EPS8: variants seen among roughly 807,000 people sequenced by gnomAD.
The protein encoded by EPS8 is EGFR pathway substrate 8, signaling adaptor, also known as epidermal growth factor receptor kinase substrate 8.
EPS8 carries 42 observed loss-of-function variants against 103.8 expected under a neutral mutation model. That is an observed-to-expected ratio of 0.40 (90% CI 0.32 to 0.52). The LOEUF is 0.52. EPS8 is among the 20% of genes least tolerant of loss of function. The probability of loss-of-function intolerance (pLI) is 0.40; values close to 1 mark genes in which losing one functional copy is unlikely to be tolerated. For missense variants in EPS8, 969 were observed against 1,005.1 expected, an observed-to-expected ratio of 0.96 and a Z score of 0.49; for synonymous variants, 344 against 344.6, an observed-to-expected ratio of 1.00 and a Z score of 0.02.
chr12:15,641,706 GA>G lies in EPS8; in HGVS notation c.1677+15del. 7.3e-7 allele frequency: 1 copy of G among 1,376,062 alleles called. No homozygotes were observed. Among genetic ancestry groups the G allele is most frequent in the Non-Finnish European group, 1.0e-6 (1 of 1,002,308 alleles). 85.2% of individuals were successfully genotyped at this position (1,376,062 alleles called of 1,614,324 possible). On this transcript the variant is annotated intron_variant, in intron 16 of 20. Transcript: ENST00000281172. Reference sequence around the variant, plus strand: ...ACTACTTTATTAAGAGTATAAAAAAGAAAAAATTATATTACCTCTAAAATAT... The same window carrying G: ...ACTACTTTATTAAGAGTATAAAAAAGAAAAATTATATTACCTCTAAAATAT...
At chr12:15,710,685 C>T (rs900853127) in intron 1 of EPS8, among the ~76,000 whole-genome samples, 2 of 152,170 alleles carry the variant, frequency 1.3e-5, no homozygotes, top group South Asian at 4.1e-4. Flanking sequence ...TAAGTGCTTA[C>T]ATGTCAAATT....
intron 12 of EPS8, 162 bp downstream of exon 12, chr12:15,657,917 C>T (rs1945535915): frequency 3.3e-6 from 2 of 600,426 alleles, no homozygotes; most frequent in African/African-American, 3.8e-5. Context: ...TTACAGGGTT[C>T]TTTTAAATTC....
rs1276820166 is a variant in EPS8 at position 15,704,957 on chromosome 12, C to CACACACACAT, written c.-21-21995_-21-21986dup. 6.6e-6 allele frequency among the ~76,000 whole-genome samples: 1 copy of CACACACACAT among 152,070 alleles called. No individual in the cohort carries two copies. The highest frequency in any genetic ancestry group is 2.4e-5 in the African/African-American group (1 of 41,398). ...GTCCTTAAAATCCTGTGTGTATATA[C>CACACACACAT]ACACACACATACATATACATGTGTG... On this transcript the variant is annotated intron_variant, in intron 1 of 20. Coordinates refer to ENST00000281172, the MANE Select transcript of EPS8 (RefSeq NM_004447.6). This position sits in a 1 kb window ranked among gnomAD's most constrained non-coding sequence, Gnocchi z 4.6.
chr12:15,784,865 C>T lies in EPS8; in HGVS notation c.-22+4296G>A. On this transcript the variant is annotated intron_variant, in intron 1 of 20. Transcript: ENST00000281172. This position sits in a 1 kb window ranked among gnomAD's most constrained non-coding sequence, Gnocchi z 4.0. ...GTATTGCTAAATGAAAGAAGCCAGT[C>T]TGGCAAGGCTGTATGATTCCAATTA... 6.6e-6 allele frequency among the ~76,000 whole-genome samples: 1 copy of T among 152,054 alleles called. No homozygotes were observed. Among genetic ancestry groups the T allele is most frequent in the East Asian group, 1.9e-4 (1 of 5,190 alleles).
rs1360084801 is a variant in EPS8 at position 15,780,529 on chromosome 12, C to CACAG, written c.-22+8631_-22+8632insCTGT. 14 of 151,444 alleles carry CACAG rather than the reference C, an allele frequency of 9.2e-5. No homozygotes were observed. The South Asian group carries it at 2.9e-3, about 32-fold the overall frequency. 9.4% of individuals were successfully genotyped at this position (151,444 alleles called of 1,614,324 possible). A position where few individuals can be genotyped will look rare whatever the true frequency, so the allele number is the denominator to read the frequency against. ...ACACACACACACACACACACACACA[C>CACAG]AGGCATACACACTTTTCATTTAACA... On this transcript the variant is annotated intron_variant, in intron 1 of 20. Transcript: ENST00000281172. This position sits in a 1 kb window ranked among gnomAD's most constrained non-coding sequence, Gnocchi z 4.1.
Position 15,771,132 on chromosome 12 carries a change from G to T in EPS8, c.-22+18029C>A, listed in dbSNP as rs1947149974. Among the ~76,000 whole-genome samples, 3 of 152,160 alleles carry T rather than the reference G, an allele frequency of 2.0e-5. No homozygotes were observed. Among genetic ancestry groups the T allele is most frequent in the Admixed American group, 2.0e-4 (3 of 15,282 alleles). On this transcript the variant is annotated intron_variant, in intron 1 of 20. Transcript: ENST00000281172. The surrounding 1 kb of genome is among the most constrained non-coding windows in gnomAD (Gnocchi z 4.6). ...CAAAGAAGGTAGATTATTCTACAATGGCAGATAAAGTAGACCTTAACTGAT... is the reference window on the plus strand; with the variant it reads ...CAAAGAAGGTAGATTATTCTACAATTGCAGATAAAGTAGACCTTAACTGAT...
At chr12:15,755,416 A>G (rs963532443) in intron 1 of EPS8, among the ~76,000 whole-genome samples, 3 of 152,188 alleles carry the variant, frequency 2.0e-5, no homozygotes, top group Non-Finnish European at 2.9e-5. Flanking sequence ...TCCCACCAAG[A>G]TGAGCTTCTG....
intron 17 of EPS8, chr12:15,634,840 A>C (rs1945108617): frequency 2.5e-6 from 1 of 398,028 alleles, no homozygotes; most frequent in Non-Finnish European, 4.4e-6. Flanking sequence ...ATCAATTATA[A>C]TTCACATCAA....
Position 15,761,102 on chromosome 12 carries a change from T to C in EPS8, c.-22+28059A>G, listed in dbSNP as rs534700089. On this transcript the variant is annotated intron_variant, in intron 1 of 20. Transcript: ENST00000281172. The surrounding 1 kb of genome is among the most constrained non-coding windows in gnomAD (Gnocchi z 4.5). The stretch of plus-strand genomic sequence containing the variant: ...TGATAAATTCATTAAAGTTGCAGTA[T>C]ATATAATCAAATTACAAAAATCAGT... 6.6e-6 allele frequency among the ~76,000 whole-genome samples: 1 copy of C among 152,110 alleles called. No homozygotes were observed. The highest frequency in any genetic ancestry group is 2.1e-4 in the South Asian group (1 of 4,830).
Position 15,751,119 on chromosome 12 carries a change from AG to A in EPS8, c.-22+38041del, listed in dbSNP as rs1946927016. Among the ~76,000 whole-genome samples the A allele has an allele frequency of 6.6e-6, 1 of 152,128 alleles. No homozygotes were observed. Among genetic ancestry groups the A allele is most frequent in the Non-Finnish European group, 1.5e-5 (1 of 68,034 alleles). On this transcript the variant is annotated intron_variant, in intron 1 of 20. Coordinates refer to ENST00000281172, the MANE Select transcript of EPS8 (RefSeq NM_004447.6). This position sits in a 1 kb window ranked among gnomAD's most constrained non-coding sequence, Gnocchi z 4.3. Reference sequence around the variant, plus strand: ...TGCCTGTAAATCCCAGCTCTTTGGGAGGACGAGGCAGGCGGATCACTTGAGG... The same window carrying A: ...TGCCTGTAAATCCCAGCTCTTTGGGAGACGAGGCAGGCGGATCACTTGAGG...
intron 3 of EPS8, 51 bp downstream of exon 3, chr12:15,681,175 G>T: frequency 2.1e-6 from 2 of 936,706 alleles, no homozygotes; most frequent in Non-Finnish European, 3.3e-6. Flanking sequence ...AATGTAATTT[G>T]TAAAAAGTGG....
intron 17 of EPS8, among the ~76,000 whole-genome samples, chr12:15,639,336 A>C (rs1217985979): frequency 1.3e-5 from 2 of 152,152 alleles, no homozygotes; most frequent in Non-Finnish European, 2.9e-5. Context: ...CAGATATTAA[A>C]CTCAGAAAAG....
rs768085496 is a variant in EPS8 at position 15,681,222 on chromosome 12, C to A, written c.136+4G>T. The A allele has an allele frequency of 1.3e-6, 2 of 1,514,710 alleles. No homozygotes were observed. Among genetic ancestry groups the A allele is most frequent in the African/African-American group, 1.4e-5 (1 of 71,284 alleles). 93.8% of individuals were successfully genotyped at this position (1,514,710 alleles called of 1,614,324 possible). On this transcript the variant is annotated splice_donor_region_variant and intron_variant, in intron 3 of 20. Coordinates refer to ENST00000281172, the MANE Select transcript of EPS8 (RefSeq NM_004447.6). Reference sequence around the variant, plus strand: ...ATTATACCCTATCAAATAAACAAACCTACCATAAAGGGCCTTTGCACTTGT... The same window carrying A: ...ATTATACCCTATCAAATAAACAAACATACCATAAAGGGCCTTTGCACTTGT...
At position 15,690,842 on chromosome 12, in the gene EPS8, C is replaced by T. The variant is rs1409832641; in HGVS notation, c.-21-7870G>A. On this transcript the variant is annotated intron_variant, in intron 1 of 20. Transcript: ENST00000281172. This position sits in a 1 kb window ranked among gnomAD's most constrained non-coding sequence, Gnocchi z 4.7. Reference sequence around the variant, plus strand: ...TTTTGCCCACAAAGATAAAAATGCACTCTTTTCAAAATAGTATTTTTCATT... The same window carrying T: ...TTTTGCCCACAAAGATAAAAATGCATTCTTTTCAAAATAGTATTTTTCATT... Among the ~76,000 whole-genome samples, 1 of 152,098 alleles carries T rather than the reference C, an allele frequency of 6.6e-6. No individual in the cohort carries two copies. Among genetic ancestry groups the T allele is most frequent in the African/African-American group, 2.4e-5 (1 of 41,416 alleles).
intron 4 of EPS8, among the ~76,000 whole-genome samples, 156 bp from the exon 5 acceptor site, chr12:15,669,981 A>T (rs1945787301): frequency 6.6e-6 from 1 of 152,238 alleles, no homozygotes; most frequent in African/African-American, 2.4e-5. Flanking sequence ...TATTTTAATG[A>T]GAGAATAAAG....
chr12:15,654,040 A>G, intron 13 of EPS8, 105 bp downstream of exon 13: 1 of 1,118,026 alleles, frequency 8.9e-7, no homozygotes, highest in Non-Finnish European at 1.3e-6. Context: ...TTTTCATCCT[A>G]TGACGCTTAG....
At chr12:15,786,242 C>A (rs889939255) in intron 1 of EPS8, among the ~76,000 whole-genome samples, 1 of 151,996 alleles carries the variant, frequency 6.6e-6, no homozygotes, top group Non-Finnish European at 1.5e-5. Context: ...GAAAATGGCA[C>A]GTTACCTCTG....
intron 1 of EPS8, among the ~76,000 whole-genome samples, chr12:15,710,506 C>T (rs1281819060): frequency 1.3e-5 from 2 of 152,198 alleles, no homozygotes; most frequent in Non-Finnish European, 2.9e-5. Context: ...CAATATTTCA[C>T]AAATTGCTTT....
chr12:15,657,000 T>C (rs1411716777), intron 12 of EPS8, among the ~76,000 whole-genome samples: 1 of 152,138 alleles, frequency 6.6e-6, no homozygotes, highest in Non-Finnish European at 1.5e-5. Flanking sequence ...ACCCTAGCTT[T>C]TTCTTCCCCA....
Sources: gnomAD v4.1 joint callset for allele counts (sites outside exome capture counted in the v4.1 genomes callset) on GRCh38, gnomAD v4.1.1 for gene constraint, Gnocchi (gnomAD v3.1) non-coding constraint, MANE v1.5 for transcripts, NCBI Gene and HGNC (gene_info 2026-07-23, HGNC 2026-07-21) for gene names.